SHANK2: variants seen among roughly 807,000 people sequenced by gnomAD.
SHANK2 encodes the protein SH3 and multiple ankyrin repeat domains protein 2.
A neutral mutation model predicts 133.7 loss-of-function variants in SHANK2; 43 were observed. That is an observed-to-expected ratio of 0.32 (90% CI 0.25 to 0.41). SHANK2 has a LOEUF of 0.41. Among genes scored for constraint, SHANK2 ranks in the 10% least tolerant of loss-of-function variants. The pLI, the probability that SHANK2 is intolerant of heterozygous loss-of-function variation, is 1.00. For synonymous variants in SHANK2, 1,017 were observed against 952.8 expected, an observed-to-expected ratio of 1.07 and a Z score of -1.24; for missense variants, 1,994 against 2,235.8, an observed-to-expected ratio of 0.89 and a Z score of 2.18.
At chr11:70,847,592 G>A (rs563810193) in intron 11 of SHANK2, among the ~76,000 whole-genome samples, 39 of 152,322 alleles carry the variant, frequency 2.6e-4, no homozygotes, top group African/African-American at 9.4e-4. Context: ...CTGAAAACCT[G>A]CCCGAGCATC....
At chr11:70,949,470 C>T (rs543191442) in intron 10 of SHANK2, among the ~76,000 whole-genome samples, 3 of 152,230 alleles carry the variant, frequency 2.0e-5, no homozygotes, top group Admixed American at 6.5e-5. Context: ...CCTGCTCACC[C>T]TCCCTTCACA....
intron 15 of SHANK2, among the ~76,000 whole-genome samples, chr11:70,682,163 C>T (rs10899374): frequency 0.066 from 10,098 of 152,132 alleles, 387 homozygotes; most frequent in Middle Eastern, 0.11. Flanking sequence ...ACCACAAGGC[C>T]GGGCCAGGGC....
intron 17 of SHANK2, among the ~76,000 whole-genome samples, chr11:70,655,939 G>A (rs112928706): frequency 2.0e-5 from 3 of 152,138 alleles, no homozygotes; most frequent in African/African-American, 4.8e-5. Flanking sequence ...GGCTGGAGAC[G>A]AGGTTTCTAT....
At chr11:70,593,262 G>A (rs1456083413) in intron 17 of SHANK2, among the ~76,000 whole-genome samples, 1 of 152,222 alleles carries the variant, frequency 6.6e-6, no homozygotes, top group African/African-American at 2.4e-5. Flanking sequence ...TTGCTGCATT[G>A]AGAAAAATCT....
In SHANK2 at chr11:70,830,002, G is replaced by A. The variant is rs940818168; in HGVS notation, c.1175-9320C>T. Among the ~76,000 whole-genome samples, 4 of 152,148 alleles carry A rather than the reference G, an allele frequency of 2.6e-5. No homozygotes were observed. The highest frequency in any genetic ancestry group is 2.0e-4 in the Admixed American group (3 of 15,274). ...TGCACAGGGGTTCTCACTGTCAGACGCGGGCAGCAGCCTGTAAGAGCCTCC... is the reference window on the plus strand; with the variant it reads ...TGCACAGGGGTTCTCACTGTCAGACACGGGCAGCAGCCTGTAAGAGCCTCC... On this transcript the variant is annotated intron_variant, in intron 11 of 25. Coordinates refer to ENST00000601538, the MANE Select transcript of SHANK2 (RefSeq NM_012309.5). The surrounding 1 kb of genome is among the most constrained non-coding windows in gnomAD (Gnocchi z 4.4).
In SHANK2 at chr11:70,912,719, G is replaced by A. The variant is rs4353303; in HGVS notation, c.1108-16152C>T. On this transcript the variant is annotated intron_variant, in intron 10 of 25. Transcript: ENST00000601538. Reference sequence around the variant, plus strand: ...CAAGAAACGTCACACTCAGAAGATCGGCACTCACCCCCAGACTTCCTTCAA... The same window carrying A: ...CAAGAAACGTCACACTCAGAAGATCAGCACTCACCCCCAGACTTCCTTCAA... Among the ~76,000 whole-genome samples, 873 of 152,216 alleles carry A rather than the reference G, an allele frequency of 5.7e-3. 9 individuals are homozygous for A. Among genetic ancestry groups the A allele is most frequent in the African/African-American group, 0.02 (823 of 41,516 alleles).
chr11:70,524,786 T>C (rs1591535484), intron 17 of SHANK2, among the ~76,000 whole-genome samples: 1 of 151,978 alleles, frequency 6.6e-6, no homozygotes, highest in South Asian at 2.1e-4. Context: ...TCAGTGAGGG[T>C]TCTGCGTCCT....
intron 11 of SHANK2, among the ~76,000 whole-genome samples, chr11:70,883,834 T>C (rs940997214): frequency 1.3e-5 from 2 of 152,092 alleles, no homozygotes; most frequent in African/African-American, 4.8e-5. Flanking sequence ...GAGAAGGCGC[T>C]GAGGATGCTG....
intron 9 of SHANK2, among the ~76,000 whole-genome samples, chr11:71,073,165 C>CTTTTTTTTTTTTTTTTTTT (rs1297535726): frequency 2.5e-5 from 1 of 40,292 alleles, no homozygotes; most frequent in African/African-American, 5.7e-5. Context: ...TCTTTTTTTT[C>CTTTTTTTTTTTTTTTTTTT]TTTTTTTTTT....
chr11:71,167,799 AT>A (rs1276896128), intron 2 of SHANK2, among the ~76,000 whole-genome samples: 1 of 130,104 alleles, frequency 7.7e-6, no homozygotes, highest in Non-Finnish European at 1.6e-5. Context: ...CGGGGGGCTG[AT>A]CCCCCCACCT....
At chr11:71,075,742 C>T (rs1278422169) in intron 8 of SHANK2, among the ~76,000 whole-genome samples, 2 of 152,204 alleles carry the variant, frequency 1.3e-5, no homozygotes, top group East Asian at 3.9e-4. Flanking sequence ...GCACTGCATC[C>T]ACAGGAGTGA....
At chr11:71,150,086 G>C (rs1334747456) in intron 2 of SHANK2, among the ~76,000 whole-genome samples, 1 of 12,228 alleles carries the variant, frequency 8.2e-5, no homozygotes, top group Non-Finnish European at 1.6e-4. Context: ...GGGAGAGGAA[G>C]GAAGGGAGGG....
chr11:71,210,992 G>A (rs181152123), intron 2 of SHANK2, among the ~76,000 whole-genome samples: 141 of 152,190 alleles, frequency 9.3e-4, no homozygotes, highest in African/African-American at 3.1e-3. Context: ...CATCTGCACC[G>A]CTGACAGGAT....
chr11:70,587,443 T>A (rs2060268685), intron 17 of SHANK2, among the ~76,000 whole-genome samples: 1 of 151,944 alleles, frequency 6.6e-6, no homozygotes, highest in Non-Finnish European at 1.5e-5. Context: ...ACGAAATTGG[T>A]CTGGGGCATT....
chr11:70,918,642 A>G (rs1284018197), intron 10 of SHANK2, among the ~76,000 whole-genome samples: 1 of 152,048 alleles, frequency 6.6e-6, no homozygotes. Flanking sequence ...AGTAGCTGGG[A>G]CTACAGGCGC....
rs1416785516 is a variant in SHANK2 at position 70,804,451 on chromosome 11, G to A, written c.1663+2551C>T. On this transcript the variant is annotated intron_variant, in intron 13 of 25. Coordinates refer to ENST00000601538, the MANE Select transcript of SHANK2 (RefSeq NM_012309.5). This position sits in a 1 kb window ranked among gnomAD's most constrained non-coding sequence, Gnocchi z 4.1. Reference sequence around the variant, plus strand: ...TTCAGAACAGCAGTCCTTTGCCATCGATCCTTTGAAGTGTGAGTTTTGGAA... The same window carrying A: ...TTCAGAACAGCAGTCCTTTGCCATCAATCCTTTGAAGTGTGAGTTTTGGAA... 1.3e-5 allele frequency among the ~76,000 whole-genome samples: 2 copies of A among 152,192 alleles called. No homozygotes were observed. The highest frequency in any genetic ancestry group is 2.4e-5 in the African/African-American group (1 of 41,462).
chr11:71,189,598 C>T (rs1353875571), intron 2 of SHANK2, among the ~76,000 whole-genome samples: 6 of 152,156 alleles, frequency 3.9e-5, no homozygotes, highest in African/African-American at 1.4e-4. Flanking sequence ...CAGGGTTTCT[C>T]CATGTTGCCC....
At chr11:70,826,814 T>C (rs1242450455) in intron 11 of SHANK2, 1 of 237,542 alleles carries the variant, frequency 4.2e-6, no homozygotes, top group East Asian at 1.0e-4. Context: ...GCTCAGGGCA[T>C]TGAGGAAGAG....
At chr11:71,211,180 T>C (rs1954270906) in intron 2 of SHANK2, among the ~76,000 whole-genome samples, 2 of 150,352 alleles carry the variant, frequency 1.3e-5, no homozygotes, top group Admixed American at 6.7e-5. Context: ...CTGTGTCCTA[T>C]TGGTCAATTT....
Sources: allele counts gnomAD v4.1 joint callset (sites outside exome capture counted in the v4.1 genomes callset), GRCh38; gene constraint gnomAD v4.1.1; non-coding constraint Gnocchi (gnomAD v3.1); transcripts MANE v1.5; gene names NCBI Gene and HGNC (gene_info 2026-07-23, HGNC 2026-07-21).